The following TTC7A variants were observed in gnomAD, a reference collection of about 807,000 sequenced individuals.
TTC7A encodes the protein tetratricopeptide repeat domain 7A, also known as tetratricopeptide repeat protein 7A.
Under a neutral mutation model 103.7 loss-of-function variants are expected in TTC7A, and 110 were observed. That is an observed-to-expected ratio of 1.06 (90% CI 0.91 to 1.24). The LOEUF is 1.24. Ranked by LOEUF, TTC7A falls within the 50% of genes most tolerant of loss-of-function variation. The pLI is 0.00. For missense variants in TTC7A, 1,340 were observed against 1,116.3 expected (o/e 1.20, Z -2.86); for synonymous variants, 521 against 467.9 (o/e 1.11, Z -1.47).
At chr2:47,035,994 A>T (rs1681060345) in intron 15 of TTC7A, among the ~76,000 whole-genome samples, 1 of 152,350 alleles carries the variant, frequency 6.6e-6, no homozygotes, top group Admixed American at 6.5e-5. Context: ...AGAAGAACCT[A>T]AGCGTCTTCT....
chr2:47,062,036 A>G (rs1186948231), intron 19 of TTC7A, among the ~76,000 whole-genome samples: 3 of 152,224 alleles, frequency 2.0e-5, no homozygotes, highest in Non-Finnish European at 4.4e-5. Context: ...CATCAGGAGA[A>G]TGGCTCCAGA....
chr2:47,004,143 C>G (rs1056362548), intron 8 of TTC7A, among the ~76,000 whole-genome samples: 16 of 152,188 alleles, frequency 1.1e-4, no homozygotes, highest in African/African-American at 3.9e-4. Flanking sequence ...TTCCGGGCAT[C>G]CCGGCACCCT....
At chr2:46,956,479 T>C (rs559321038) in intron 2 of TTC7A, 249 of 236,502 alleles carry the variant, frequency 1.1e-3, no homozygotes, top group African/African-American at 5.2e-3. Flanking sequence ...CACTTGTGTT[T>C]AGAATAAATG....
rs754906747 is a variant in TTC7A, at chr2:46,995,207, C to A, written c.1065+8C>A. ...CTCATCAGCGAATCCATGGTAAGCT[C>A]CAGGATGTCCTTCAGGGGCCTCTGG... is the stretch of plus-strand genomic sequence containing the variant. On this transcript the variant is annotated splice_region_variant and intron_variant, in intron 8 of 19. Transcript: ENST00000319190. The A allele has an allele frequency of 6.2e-7, 1 of 1,613,918 alleles. No homozygotes were observed. The highest frequency in any genetic ancestry group is 1.1e-5 in the South Asian group (1 of 91,018).
chr2:46,993,048 G>C (rs1353758030), intron 5 of TTC7A, among the ~76,000 whole-genome samples: 3 of 152,246 alleles, frequency 2.0e-5, no homozygotes, highest in Non-Finnish European at 4.4e-5. Flanking sequence ...ACAGAGAGGG[G>C]AGGATGGAAT....
At chr2:46,978,971 C>A in intron 5 of TTC7A, 64 bp downstream of exon 5, 2 of 1,192,470 alleles carry the variant, frequency 1.7e-6, no homozygotes, top group Non-Finnish European at 2.5e-6. Flanking sequence ...TTTGACGTGG[C>A]CTTAAGGCTG....
chr2:46,934,479 GA>G (rs1669866300), intron 2 of TTC7A, among the ~76,000 whole-genome samples: 1 of 152,024 alleles, frequency 6.6e-6, no homozygotes. Flanking sequence ...GGCTGGTCTT[GA>G]ACTGGCTGGT....
chr2:46,941,963 G>C lies in TTC7A; in HGVS notation c.184+238G>C, dbSNP rs1644161724. 1.7e-6 allele frequency: 1 copy of C among 594,996 alleles called. No homozygotes were observed. Among genetic ancestry groups the C allele is most frequent in the Admixed American group, 3.0e-5 (1 of 33,440 alleles). The allele number at this position is 594,996 out of a possible 1,614,324, so 36.9% of individuals were successfully genotyped here. ...TTTGCTCTGTGTCCTTTAGGATAAT[G>C]TGGCTAACTCTGTCTACCGTGAAAT... On this transcript the variant is annotated intron_variant, in intron 1 of 19. Coordinates refer to ENST00000319190, the MANE Select transcript of TTC7A (RefSeq NM_020458.4). This position sits in a 1 kb window ranked among gnomAD's most constrained non-coding sequence, Gnocchi z 4.2.
intron 3 of TTC7A, among the ~76,000 whole-genome samples, chr2:46,962,457 C>G (rs1375423447): frequency 6.6e-6 from 1 of 152,190 alleles, no homozygotes; most frequent in African/African-American, 2.4e-5. Flanking sequence ...CCACCTCCCA[C>G]AGGAGGAAGT....
At position 47,017,807 on chromosome 2, in the gene TTC7A, C is replaced by T. The variant is rs574813651; in HGVS notation, c.1393-4055C>T. Among the ~76,000 whole-genome samples, 84 of 152,122 alleles carry T rather than the reference C, an allele frequency of 5.5e-4. 2 individuals carry two copies. Among genetic ancestry groups the T allele is most frequent in the Non-Finnish European group, 1.6e-4 (11 of 68,036 alleles). ...GGATTCCAGAGGGTCTTTGATGCCA[C>T]TTCCCAATTTGTCATGTAGCTATGA... On this transcript the variant is annotated intron_variant, in intron 11 of 19. Coordinates refer to ENST00000319190, the MANE Select transcript of TTC7A (RefSeq NM_020458.4).
chr2:47,044,966 G>A (rs368273193), intron 15 of TTC7A, among the ~76,000 whole-genome samples: 3 of 152,218 alleles, frequency 2.0e-5, no homozygotes, highest in African/African-American at 2.4e-5. Context: ...TCACCGGGTG[G>A]CACCTGCAGC....
At chr2:47,071,367 CT>C (rs1266691248) in intron 19 of TTC7A, among the ~76,000 whole-genome samples, 1 of 152,126 alleles carries the variant, frequency 6.6e-6, no homozygotes, top group East Asian at 1.9e-4. Flanking sequence ...GCCTACAGTC[CT>C]CCCCCACAGA....
Position 47,074,052 on chromosome 2 carries a change from G to A in TTC7A, c.*129G>A. On this transcript the variant is annotated 3_prime_UTR_variant, in exon 20 of 20. Transcript: ENST00000319190. ...AAATACATCTTTAGTGAACGCCTCT[G>A]CAGCTGCAGCCCTCGTTCTCTTGGC... 2 of 681,116 alleles carry A rather than the reference G, an allele frequency of 2.9e-6. No homozygotes were observed. The highest frequency in any genetic ancestry group is 1.9e-5 in the South Asian group (1 of 52,816). 42.2% of individuals were successfully genotyped at this position (681,116 alleles called of 1,614,324 possible).
At chr2:46,918,600 G>A (rs1668940888) in intron 2 of TTC7A, among the ~76,000 whole-genome samples, 1 of 152,206 alleles carries the variant, frequency 6.6e-6, no homozygotes, top group Admixed American at 6.5e-5. Context: ...TATGGAATTG[G>A]CTAACTGGAG....
intron 3 of TTC7A, among the ~76,000 whole-genome samples, chr2:46,960,629 C>T (rs1672289109): frequency 6.6e-6 from 1 of 152,212 alleles, no homozygotes; most frequent in Non-Finnish European, 1.5e-5. Context: ...TGAGACACTG[C>T]CCTGGAACAC....
At chr2:47,053,543 T>TTTGGTTGATTGG (rs1553410721) in intron 18 of TTC7A, among the ~76,000 whole-genome samples, 1 of 140,138 alleles carries the variant, frequency 7.1e-6, no homozygotes. Flanking sequence ...TGTTTGTTTG[T>TTTGGTTGATTGG]TTGGTTGGTT....
rs1685072017 is a variant in TTC7A at position 47,074,595 on chromosome 2, C to T, written c.*672C>T. ...AAGCAGCCTCCGTAGGCTTTAGATCCTGTGGTTGCTAGATCCAGTCCTTTC... is the reference window on the plus strand; with the variant it reads ...AAGCAGCCTCCGTAGGCTTTAGATCTTGTGGTTGCTAGATCCAGTCCTTTC... On this transcript the variant is annotated 3_prime_UTR_variant, in exon 20 of 20. Transcript: ENST00000319190. 6.5e-6 allele frequency: 1 copy of T among 152,932 alleles called. No individual in the cohort carries two copies. The highest frequency in any genetic ancestry group is 1.5e-5 in the Non-Finnish European group (1 of 68,372). 9.5% of individuals were successfully genotyped at this position (152,932 alleles called of 1,614,324 possible).
At chr2:47,021,768 AAGGCTTCTGTTTCGGGAACAGGT>A (rs1445528465) in intron 11 of TTC7A, 71 bp from the exon 12 acceptor site, 3 of 965,768 alleles carry the variant, frequency 3.1e-6, no homozygotes, top group African/African-American at 3.2e-5. Context: ...CCTTGAGCAC[AAGGCTTCTGTTTCGGGAACAGGT>A]CCAGGGAGTC....
rs550622403 is a variant in TTC7A, at chr2:46,968,095, T to A, written c.518-6878T>A. Among the ~76,000 whole-genome samples the A allele has an allele frequency of 7.2e-5, 11 of 152,324 alleles. No homozygotes were observed. The South Asian group carries it at 2.3e-3, about 32-fold the overall frequency. Reference sequence around the variant, plus strand: ...TCCAGGGTTCCAAGGGTGGGGCTTCTTGGAAGGGCGGCTGCCTTGGATGTG... The same window carrying A: ...TCCAGGGTTCCAAGGGTGGGGCTTCATGGAAGGGCGGCTGCCTTGGATGTG... On this transcript the variant is annotated intron_variant, in intron 3 of 19. Coordinates refer to ENST00000319190, the MANE Select transcript of TTC7A (RefSeq NM_020458.4).
Sources: gnomAD v4.1 joint callset for allele counts (sites outside exome capture counted in the v4.1 genomes callset) on GRCh38, gnomAD v4.1.1 for gene constraint, Gnocchi (gnomAD v3.1) non-coding constraint, MANE v1.5 for transcripts, NCBI Gene and HGNC (gene_info 2026-07-23, HGNC 2026-07-21) for gene names.